NCALD: variants seen among roughly 807,000 people sequenced by gnomAD.
The protein encoded by NCALD is neurocalcin-delta.
A neutral mutation model predicts 18.6 loss-of-function variants in NCALD; 10 were observed. The ratio of observed to expected loss-of-function variants is 0.54; its 90% CI spans 0.33 to 0.91. NCALD has a LOEUF of 0.91. NCALD is among the 40% of genes least tolerant of loss of function. The pLI, the probability that NCALD is intolerant of heterozygous loss-of-function variation, is 0.03. For synonymous variants in NCALD, 88 were observed against 87.4 expected (o/e 1.01, Z -0.04); for missense variants, 184 against 247.6 (o/e 0.74, Z 1.72).
At chr8:101,736,810 C>A (rs1809939211) in intron 1 of NCALD, among the ~76,000 whole-genome samples, 1 of 152,226 alleles carries the variant, frequency 6.6e-6, no homozygotes, top group South Asian at 2.1e-4. Flanking sequence ...CTGGAAAGGT[C>A]TTAGTGCTGT....
intron 4 of NCALD, among the ~76,000 whole-genome samples, chr8:101,834,146 A>G (rs1157353883): frequency 6.6e-6 from 1 of 152,256 alleles, no homozygotes; most frequent in African/African-American, 2.4e-5. Flanking sequence ...TCACACATTC[A>G]GAGCTGGCTT....
intron 1 of NCALD, among the ~76,000 whole-genome samples, chr8:101,762,962 T>C (rs1184734268): frequency 6.6e-6 from 1 of 152,146 alleles, no homozygotes; most frequent in African/African-American, 2.4e-5. Flanking sequence ...TTCTGTTAGG[T>C]ACTGTTTTAG....
intron 1 of NCALD, among the ~76,000 whole-genome samples, chr8:101,746,447 G>C (rs1009401089): frequency 6.8e-6 from 1 of 146,214 alleles, no homozygotes; most frequent in Admixed American, 6.6e-5. Context: ...CAATGGTTAT[G>C]ATACATATAT....
chr8:101,852,993 T>G (rs2131338010), intron 4 of NCALD, among the ~76,000 whole-genome samples: 1 of 152,154 alleles, frequency 6.6e-6, no homozygotes, highest in East Asian at 1.9e-4. Flanking sequence ...GACAAGTTGT[T>G]GGTGAGGCAG....
At chr8:101,701,607 C>G (rs2130143305) in intron 2 of NCALD, among the ~76,000 whole-genome samples, 2 of 152,318 alleles carry the variant, frequency 1.3e-5, no homozygotes, top group Middle Eastern at 3.4e-3. Context: ...AGAGAGGACT[C>G]AGGTCTGGGA....
At chr8:102,120,358 C>T (rs1825910257) in intron 1 of NCALD, among the ~76,000 whole-genome samples, 1 of 152,192 alleles carries the variant, frequency 6.6e-6, no homozygotes, top group African/African-American at 2.4e-5. Flanking sequence ...ATGTGGCACC[C>T]TGGTCACAGG....
At chr8:101,705,935 G>A (rs949073681) in intron 2 of NCALD, among the ~76,000 whole-genome samples, 1 of 152,176 alleles carries the variant, frequency 6.6e-6, no homozygotes, top group Non-Finnish European at 1.5e-5. Context: ...TAACTTTTGT[G>A]TTGGTTTCAA....
At chr8:101,922,775 A>T (rs1302613001) in intron 2 of NCALD, among the ~76,000 whole-genome samples, 2 of 152,198 alleles carry the variant, frequency 1.3e-5, no homozygotes, top group Non-Finnish European at 2.9e-5. Context: ...TATGTTTTCT[A>T]TATATACTAT....
chr8:101,909,866 C>G (rs1207370193), intron 3 of NCALD, among the ~76,000 whole-genome samples: 1 of 151,964 alleles, frequency 6.6e-6, no homozygotes, highest in Admixed American at 6.6e-5. Context: ...TTTAATAGTT[C>G]CTAGACAGGG....
At chr8:101,736,159 T>C (rs963566845) in intron 1 of NCALD, among the ~76,000 whole-genome samples, 2 of 152,196 alleles carry the variant, frequency 1.3e-5, no homozygotes, top group Non-Finnish European at 2.9e-5. Context: ...CTGTCTCTTT[T>C]CCTCTTCTCT....
intron 2 of NCALD, among the ~76,000 whole-genome samples, chr8:101,973,247 C>A: frequency 6.6e-6 from 1 of 152,156 alleles, no homozygotes; most frequent in Non-Finnish European, 1.5e-5. Flanking sequence ...TACCACATTA[C>A]ATTTATCATT....
chr8:101,984,084 A>G (rs1303177942), intron 2 of NCALD, among the ~76,000 whole-genome samples: 1 of 152,218 alleles, frequency 6.6e-6, no homozygotes, highest in Non-Finnish European at 1.5e-5. Context: ...AAATGTCTCC[A>G]CCTGAGGTTT....
At chr8:101,989,562 A>G (rs117146531) in intron 2 of NCALD, among the ~76,000 whole-genome samples, 1,643 of 152,368 alleles carry the variant, frequency 0.011, 12 homozygotes, top group Non-Finnish European at 0.018. Context: ...ATAACATTCA[A>G]TTATAAAAAC....
intron 1 of NCALD, among the ~76,000 whole-genome samples, chr8:101,758,334 C>T (rs1215201158): frequency 2.6e-5 from 4 of 152,290 alleles, no homozygotes; most frequent in African/African-American, 7.2e-5. Flanking sequence ...CTCCTGCTGA[C>T]ATCCCAGTCT....
upstream of NCALD, among the ~76,000 whole-genome samples, chr8:101,793,985 G>A (rs148935993): frequency 2.6e-5 from 4 of 152,274 alleles, no homozygotes; most frequent in African/African-American, 7.2e-5. Flanking sequence ...CTGTCTTAAC[G>A]TTAATGGGCA....
chr8:102,016,653 AC>A (rs1291605277), intron 2 of NCALD, among the ~76,000 whole-genome samples: 1 of 152,214 alleles, frequency 6.6e-6, no homozygotes, highest in East Asian at 1.9e-4. Flanking sequence ...AATACTAATT[AC>A]CAATCTTGTT....
chr8:101,745,873 T>C (rs1434899644), intron 1 of NCALD: 1 of 152,232 alleles, frequency 6.6e-6, no homozygotes, highest in East Asian at 1.9e-4. Context: ...GGAGATTAAA[T>C]AATTTATCCA....
intron 4 of NCALD, among the ~76,000 whole-genome samples, chr8:101,861,312 T>G (rs1298218864): frequency 6.6e-6 from 1 of 152,028 alleles, no homozygotes; most frequent in Non-Finnish European, 1.5e-5. Context: ...CACGGGAAGT[T>G]GACTGTGGAG....
rs139185153 is a variant in NCALD at position 102,104,022 on chromosome 8, C to T, written c.-210+20215G>A. ...AAAGTTATATCTACAAATACACACA[C>T]GCATACGCATACAAACACATACACA... On this transcript the variant is annotated intron_variant, in intron 1 of 6. Coordinates refer to the NCALD transcript ENST00000311028. Among the ~76,000 whole-genome samples the T allele has an allele frequency of 2.4e-3, 363 of 152,252 alleles. 4 individuals are homozygous for T. The highest frequency in any genetic ancestry group is 7.8e-3 in the African/African-American group (324 of 41,550).
Sources: allele counts gnomAD v4.1 joint callset (sites outside exome capture counted in the v4.1 genomes callset), GRCh38; gene constraint gnomAD v4.1.1; transcripts MANE v1.5; gene names NCBI Gene and HGNC (gene_info 2026-07-23, HGNC 2026-07-21).